The following CUBN variants were observed in gnomAD, a reference collection of about 807,000 sequenced individuals.
The protein encoded by CUBN is 460 kDa receptor.
A neutral mutation model predicts 405.3 loss-of-function variants in CUBN; 282 were observed. That is an observed-to-expected ratio of 0.70 (90% CI 0.63 to 0.77). The LOEUF (loss-of-function observed/expected upper bound fraction) is 0.77, where lower values mean the gene tolerates loss of function less well. Among genes scored for constraint, CUBN ranks in the 30% least tolerant of loss-of-function variants. The pLI is 0.00. For synonymous variants in CUBN, 1,684 were observed against 1,617.0 expected, an observed-to-expected ratio of 1.04 and a Z score of -0.99; for missense variants, 4,514 against 4,475.2, an observed-to-expected ratio of 1.01 and a Z score of -0.25.
At chr10:16,918,179 G>C (rs1191769360) in intron 45 of CUBN, among the ~76,000 whole-genome samples, 2 of 152,130 alleles carry the variant, frequency 1.3e-5, no homozygotes, top group Non-Finnish European at 2.9e-5. Context: ...GTACCATGCT[G>C]TTTTGGTTAC....
intron 29 of CUBN, among the ~76,000 whole-genome samples, chr10:16,989,886 C>G (rs1833531896): frequency 6.6e-6 from 1 of 152,214 alleles, no homozygotes; most frequent in Non-Finnish European, 1.5e-5. Context: ...CACACGAATG[C>G]TCTTTCTGGG....
intron 31 of CUBN, among the ~76,000 whole-genome samples, chr10:16,974,370 G>T (rs1833027004): frequency 6.6e-6 from 1 of 151,854 alleles, no homozygotes; most frequent in African/African-American, 2.4e-5. Context: ...GTTCTTAGAG[G>T]TATTTGCTTC....
intron 28 of CUBN, among the ~76,000 whole-genome samples, chr10:17,009,187 A>T (rs1189477223): frequency 6.6e-6 from 1 of 152,274 alleles, no homozygotes; most frequent in Non-Finnish European, 1.5e-5. Context: ...AGTATAATTT[A>T]CATATTGTGA....
At position 17,118,689 on chromosome 10, in the gene CUBN, G is replaced by A. The variant is rs561963014; in HGVS notation, c.594-3092C>T. Among the ~76,000 whole-genome samples, 609 of 152,214 alleles carry A rather than the reference G, an allele frequency of 4.0e-3. 8 individuals carry two copies. The highest frequency in any genetic ancestry group is 0.014 in the African/African-American group (564 of 41,532). On this transcript the variant is annotated intron_variant, in intron 6 of 66. Coordinates refer to ENST00000377833, the MANE Select transcript of CUBN (RefSeq NM_001081.4). ...TGACATCAGGTGATCCACCCACCTC[G>A]GCCTCCCAAAATGCTGGGATTACAG... is the stretch of plus-strand genomic sequence containing the variant.
At chr10:17,101,670 C>T (rs1836496186) in intron 13 of CUBN, among the ~76,000 whole-genome samples, 1 of 152,006 alleles carries the variant, frequency 6.6e-6, no homozygotes, top group Admixed American at 6.6e-5. Flanking sequence ...TAATTAATGT[C>T]GGGTATAAGA....
At chr10:16,869,551 TG>T (rs1840286402) in intron 59 of CUBN, 84 bp downstream of exon 59, 2 of 817,684 alleles carry the variant, frequency 2.4e-6, no homozygotes, top group African/African-American at 3.9e-5. Flanking sequence ...CATAATCAGG[TG>T]GGGGTGGGGG....
intron 13 of CUBN, 29 bp from the exon 14 acceptor site, chr10:17,100,268 C>A (rs773199794): frequency 1.0e-5 from 14 of 1,402,672 alleles, no homozygotes; most frequent in Non-Finnish European, 1.4e-5. Flanking sequence ...CATATATTAT[C>A]TTTTACTTCC....
intron 43 of CUBN, among the ~76,000 whole-genome samples, chr10:16,922,287 C>T (rs552661910): frequency 1.5e-4 from 23 of 152,274 alleles, no homozygotes; most frequent in Non-Finnish European, 2.8e-4. Flanking sequence ...CCTCCTGCCT[C>T]ACATCCAACT....
At chr10:16,940,967 G>A (rs1033619022) in intron 36 of CUBN, among the ~76,000 whole-genome samples, 2 of 152,090 alleles carry the variant, frequency 1.3e-5, no homozygotes, top group African/African-American at 4.8e-5. Flanking sequence ...TATTCAACTT[G>A]TCTTATATTC....
At chr10:17,111,102 G>A in intron 8 of CUBN, 52 bp from the exon 9 acceptor site, 1 of 1,598,858 alleles carries the variant, frequency 6.3e-7, no homozygotes, top group Non-Finnish European at 8.6e-7. Context: ...AGTCAACAAG[G>A]AAGAAATACA....
At chr10:16,991,172 T>C (rs1425234707) in intron 28 of CUBN, among the ~76,000 whole-genome samples, 2 of 152,238 alleles carry the variant, frequency 1.3e-5, no homozygotes, top group African/African-American at 2.4e-5. Flanking sequence ...AGGCAGACCA[T>C]GACAACAAAT....
chr10:16,864,342 C>T (rs1727845390), intron 59 of CUBN, among the ~76,000 whole-genome samples: 1 of 151,996 alleles, frequency 6.6e-6, no homozygotes, highest in Non-Finnish European at 1.5e-5. Context: ...GAATGTTGAT[C>T]CCTGCCCACC....
chr10:16,860,366 A>T (rs1206025351), intron 59 of CUBN, among the ~76,000 whole-genome samples: 1 of 152,222 alleles, frequency 6.6e-6, no homozygotes, highest in Non-Finnish European at 1.5e-5. Context: ...AATCAGAACA[A>T]GTAGAAATTA....
chr10:16,946,998 A>G (rs1180150049), intron 36 of CUBN, among the ~76,000 whole-genome samples: 1 of 152,206 alleles, frequency 6.6e-6, no homozygotes, highest in Non-Finnish European at 1.5e-5. Flanking sequence ...CCACAGATTC[A>G]TTCATTCACC....
chr10:16,882,271 T>C (rs138928601), intron 56 of CUBN, among the ~76,000 whole-genome samples: 244 of 152,338 alleles, frequency 1.6e-3, no homozygotes, highest in Middle Eastern at 0.01. Context: ...TCAGTAATTC[T>C]TAACTCTGTC....
intron 38 of CUBN, 100 bp from the exon 39 acceptor site, chr10:16,937,884 T>C: frequency 1.8e-6 from 2 of 1,114,138 alleles, no homozygotes; most frequent in Non-Finnish European, 2.6e-6. Context: ...AATGTTATCA[T>C]AACAAAAAAA....
chr10:17,092,092 C>A (rs71495246), intron 14 of CUBN, among the ~76,000 whole-genome samples: 23,086 of 152,030 alleles, frequency 0.15, 2,017 homozygotes, highest in Middle Eastern at 0.31. Context: ...AGGGACGATA[C>A]GGAGAAAACC....
Position 16,939,066 on chromosome 10 carries a change from T to C in CUBN, c.5630A>G (p.Asn1877Ser). The C allele has an allele frequency of 6.2e-7, 1 of 1,612,706 alleles. No individual in the cohort carries two copies. Among genetic ancestry groups the C allele is most frequent in the Non-Finnish European group, 8.5e-7 (1 of 1,178,704 alleles). Residue 1877 changes from asparagine to serine, a missense_variant, in exon 38 of 67, where the codon AAT (asparagine) becomes AGT (serine). Physicochemically the swap from Asn to Ser is conservative, Grantham distance 46. Transcript: ENST00000377833. ...FWPENYPHNS[N>S]YQWTVNVNAS... ...ATTCACATTTACTGTCCATTGGTAA[T>C]TGGAGTTATGTGGGTAGTTTTCAGG... is the stretch of plus-strand genomic sequence containing the variant.
chr10:17,044,738 T>C (rs960072088), intron 25 of CUBN, among the ~76,000 whole-genome samples: 3 of 152,200 alleles, frequency 2.0e-5, no homozygotes, highest in African/African-American at 7.2e-5. Context: ...ATAATGATTA[T>C]AATAAATCCT....
Sources: gnomAD v4.1 joint callset for allele counts (sites outside exome capture counted in the v4.1 genomes callset) on GRCh38, gnomAD v4.1.1 for gene constraint, MANE v1.5 for transcripts, NCBI Gene and HGNC (gene_info 2026-07-23, HGNC 2026-07-21) for gene names.